Variants in KCNH1 observed in about 807,000 individuals in gnomAD.
KCNH1 encodes potassium voltage-gated channel subfamily H member 1, also known as voltage-gated delayed rectifier potassium channel KCNH1.
KCNH1 carries 27 observed loss-of-function variants against 69.2 expected under a neutral mutation model. That is an observed-to-expected ratio of 0.39 (90% confidence interval 0.29 to 0.54). KCNH1 has a LOEUF of 0.54. Ranked by LOEUF, KCNH1 falls within the 20% of genes least tolerant of loss-of-function variation. The pLI is 0.68. For synonymous variants in KCNH1, 456 were observed against 487.7 expected, an observed-to-expected ratio of 0.93 and a Z score of 0.86; for missense variants, 798 against 1,261.6, an observed-to-expected ratio of 0.63 and a Z score of 5.57.
At chr1:210,985,892 C>A (rs1688822491) in intron 6 of KCNH1, among the ~76,000 whole-genome samples, 7 of 152,128 alleles carry the variant, frequency 4.6e-5, no homozygotes, top group Admixed American at 4.6e-4. Context: ...GTGTTAAAGT[C>A]TCCCATTATT....
chr1:210,810,763 A>C (rs1031443233), intron 7 of KCNH1, among the ~76,000 whole-genome samples: 5 of 152,062 alleles, frequency 3.3e-5, no homozygotes, highest in African/African-American at 1.2e-4. Context: ...TTTTAAGTTG[A>C]CTTCTCTTTG....
chr1:210,682,977 T>A lies in KCNH1; in HGVS notation c.*304A>T. On this transcript the variant is annotated 3_prime_UTR_variant, in exon 11 of 11. Coordinates refer to ENST00000271751, the MANE Select transcript of KCNH1 (RefSeq NM_172362.3). The stretch of plus-strand genomic sequence containing the variant: ...CTCTGTTCTGGTAGTTTTAATCTTT[T>A]ACAAATATCATGGTAGTAAAAAATT... 3.0e-6 allele frequency: 1 copy of A among 337,698 alleles called. No homozygotes were observed. Among genetic ancestry groups the A allele is most frequent in the East Asian group, 6.8e-5 (1 of 14,682 alleles). The allele number at this position is 337,698 out of a possible 1,614,324, so 20.9% of individuals were successfully genotyped here. A position where few individuals can be genotyped will look rare whatever the true frequency, so the allele number is the denominator to read the frequency against.
intron 6 of KCNH1, among the ~76,000 whole-genome samples, chr1:210,989,208 C>G (rs537436870): frequency 4.6e-4 from 70 of 152,308 alleles, no homozygotes; most frequent in African/African-American, 1.7e-3. Flanking sequence ...ACAAGGATCA[C>G]CCTCTCCTAA....
chr1:210,804,293 C>T, intron 7 of KCNH1, 127 bp from the exon 8 acceptor site: 1 of 732,890 alleles, frequency 1.4e-6, no homozygotes, highest in Non-Finnish European at 2.3e-6. Flanking sequence ...GTGCAGACTG[C>T]CCTGACTATT....
chr1:210,749,742 CT>C lies in KCNH1; in HGVS notation c.2112+25605del, dbSNP rs34174582. Among the ~76,000 whole-genome samples the C allele has an allele frequency of 1.1e-3, 150 of 130,508 alleles. 1 individual carries two copies. Among genetic ancestry groups the C allele is most frequent in the Middle Eastern group, 3.9e-3 (1 of 258 alleles). The allele number at this position is 130,508 out of a possible 152,430, so 85.6% of individuals were successfully genotyped here. A position where few individuals can be genotyped will look rare whatever the true frequency, so the allele number is the denominator to read the frequency against. ...GCATGACAGGAGCCAAGGCTGCTCA[CT>C]TTTTTTTTTTTTTTTTTGAGATGGA... On this transcript the variant is annotated intron_variant, in intron 10 of 10. Coordinates refer to ENST00000271751, the MANE Select transcript of KCNH1 (RefSeq NM_172362.3).
intron 6 of KCNH1, among the ~76,000 whole-genome samples, chr1:211,010,158 G>A (rs1689367767): frequency 6.6e-6 from 1 of 152,146 alleles, no homozygotes; most frequent in Admixed American, 6.5e-5. Context: ...AGCGGACGCA[G>A]AAAATAGAGT....
intron 1 of KCNH1, among the ~76,000 whole-genome samples, chr1:211,108,181 C>T (rs1691393216): frequency 6.6e-6 from 1 of 152,198 alleles, no homozygotes; most frequent in African/African-American, 2.4e-5. Flanking sequence ...AATCAGTCGT[C>T]AATACTTTTT....
chr1:210,809,453 G>A (rs1311584457), intron 7 of KCNH1, among the ~76,000 whole-genome samples: 2 of 152,122 alleles, frequency 1.3e-5, no homozygotes. Flanking sequence ...AAAGATGTAT[G>A]GTGAATGGGG....
At chr1:210,761,107 C>G (rs1683508023) in intron 10 of KCNH1, among the ~76,000 whole-genome samples, 1 of 150,714 alleles carries the variant, frequency 6.6e-6, no homozygotes, top group Admixed American at 6.6e-5. Flanking sequence ...AAAAAATTAG[C>G]CGGGCGTAGT....
At chr1:210,996,309 T>C (rs1258599636) in intron 6 of KCNH1, among the ~76,000 whole-genome samples, 1 of 152,194 alleles carries the variant, frequency 6.6e-6, no homozygotes, top group Non-Finnish European at 1.5e-5. Context: ...TCCAACGGGC[T>C]TAAAAAACGG....
intron 6 of KCNH1, among the ~76,000 whole-genome samples, chr1:211,018,351 T>C (rs1689529458): frequency 2.6e-5 from 4 of 151,998 alleles, no homozygotes; most frequent in Admixed American, 1.3e-4. Context: ...TTCAGGAAAA[T>C]GGTATTCCTG....
chr1:211,121,761 A>G (rs1404581141), intron 1 of KCNH1, among the ~76,000 whole-genome samples: 1 of 152,254 alleles, frequency 6.6e-6, no homozygotes, highest in Admixed American at 6.5e-5. Flanking sequence ...AGAATGGGAG[A>G]AAATTTTTGC....
In KCNH1 at chr1:210,860,856, C is replaced by T. The variant is rs1685962856; in HGVS notation, c.1463-56690G>A. 3 of 922,498 alleles carry T rather than the reference C, an allele frequency of 3.3e-6. No individual in the cohort carries two copies. The South Asian group carries it at 3.9e-5, about 12-fold the overall frequency. The allele number at this position is 922,498 out of a possible 1,614,324, so 57.1% of individuals were successfully genotyped here. Reference sequence around the variant, plus strand: ...AAAAATAGTGAAGTACTCAGCAAGCCCTTGCTCTCATGTAGCCTAGTTCAC... The same window carrying T: ...AAAAATAGTGAAGTACTCAGCAAGCTCTTGCTCTCATGTAGCCTAGTTCAC... On this transcript the variant is annotated intron_variant, in intron 7 of 10. Transcript: ENST00000271751.
intron 7 of KCNH1, among the ~76,000 whole-genome samples, chr1:210,875,499 C>CA: frequency 6.6e-6 from 1 of 152,136 alleles, no homozygotes; most frequent in East Asian, 1.9e-4. Context: ...AATCTATGCA[C>CA]AAAAATCAAT....
intron 7 of KCNH1, among the ~76,000 whole-genome samples, chr1:210,821,932 G>T (rs1684938088): frequency 6.6e-6 from 1 of 151,824 alleles, no homozygotes; most frequent in Admixed American, 6.6e-5. Context: ...GAACTCCGTG[G>T]CTCAAGTAAT....
chr1:210,828,133 G>A (rs1281786994), intron 7 of KCNH1, among the ~76,000 whole-genome samples: 10 of 152,020 alleles, frequency 6.6e-5, no homozygotes, highest in Non-Finnish European at 1.5e-4. Context: ...ATGAGCCACC[G>A]CACCCGGCCT....
intron 7 of KCNH1, among the ~76,000 whole-genome samples, chr1:210,871,782 C>G (rs1686253787): frequency 1.3e-5 from 2 of 150,450 alleles, no homozygotes; most frequent in African/African-American, 4.9e-5. Flanking sequence ...AATCATCATT[C>G]TCAGTAAACT....
chr1:211,087,199 G>A (rs1326076376), intron 4 of KCNH1, among the ~76,000 whole-genome samples: 3 of 152,114 alleles, frequency 2.0e-5, no homozygotes, highest in Non-Finnish European at 4.4e-5. Context: ...CTACATCTCT[G>A]GCTCTTAGAA....
chr1:211,018,543 A>G (rs1689534161), intron 6 of KCNH1, among the ~76,000 whole-genome samples: 1 of 152,200 alleles, frequency 6.6e-6, no homozygotes, highest in Non-Finnish European at 1.5e-5. Flanking sequence ...CCAGTGGCTT[A>G]CATTCCACGT....
Sources: allele counts gnomAD v4.1 joint callset (sites outside exome capture counted in the v4.1 genomes callset), GRCh38; gene constraint gnomAD v4.1.1; transcripts MANE v1.5; gene names NCBI Gene and HGNC (gene_info 2026-07-23, HGNC 2026-07-21).